Variants in TNFAIP8 observed in about 807,000 individuals in gnomAD.
The protein encoded by TNFAIP8 is TNF alpha induced protein 8.
TNFAIP8 carries 7 observed loss-of-function variants against 13.3 expected under a neutral mutation model. The observed-to-expected ratio is 0.52, with a 90% CI of 0.30 to 0.99. The LOEUF is 0.99. TNFAIP8 is among the 50% of genes least tolerant of loss of function. The probability of loss-of-function intolerance (pLI) is 0.07; values close to 1 mark genes in which losing one functional copy is unlikely to be tolerated. For synonymous variants in TNFAIP8, 94 were observed against 87.6 expected, an observed-to-expected ratio of 1.07 and a Z score of -0.41; for missense variants, 258 against 236.9, an observed-to-expected ratio of 1.09 and a Z score of -0.58.
At chr5:119,324,879 T>G (rs1750174049) in intron 1 of TNFAIP8, among the ~76,000 whole-genome samples, 1 of 152,288 alleles carries the variant, frequency 6.6e-6, no homozygotes, top group East Asian at 1.9e-4. Context: ...TTTTATATAT[T>G]GTTTTGTAGC....
At chr5:119,317,393 T>C (rs2112682354) in intron 1 of TNFAIP8, among the ~76,000 whole-genome samples, 1 of 152,256 alleles carries the variant, frequency 6.6e-6, no homozygotes, top group African/African-American at 2.4e-5. Context: ...TAAGAAATTA[T>C]ATAAGAAATC....
chr5:119,348,446 A>G (rs1465535253), intron 1 of TNFAIP8, among the ~76,000 whole-genome samples: 1 of 152,206 alleles, frequency 6.6e-6, no homozygotes, highest in Non-Finnish European at 1.5e-5. Context: ...ATACACAGGA[A>G]CTTTCTAACG....
intron 1 of TNFAIP8, among the ~76,000 whole-genome samples, chr5:119,300,583 A>G (rs866356814): frequency 2.0e-4 from 31 of 152,152 alleles, no homozygotes; most frequent in African/African-American, 6.5e-4. Flanking sequence ...CTTACTATGT[A>G]CTTCTCTAAG....
At chr5:119,336,181 G>T (rs1384946958) in intron 1 of TNFAIP8, among the ~76,000 whole-genome samples, 1 of 152,190 alleles carries the variant, frequency 6.6e-6, no homozygotes, top group East Asian at 1.9e-4. Flanking sequence ...TACTGGGCAT[G>T]AGATGAGAAG....
intron 1 of TNFAIP8, chr5:119,391,257 A>T (rs1752879736): frequency 4.9e-6 from 3 of 616,564 alleles, no homozygotes; most frequent in Non-Finnish European, 8.9e-6. Flanking sequence ...AGCCTATCCA[A>T]ACTAGAAATA....
At chr5:119,323,515 T>G (rs1231561707) in intron 1 of TNFAIP8, among the ~76,000 whole-genome samples, 1 of 152,210 alleles carries the variant, frequency 6.6e-6, no homozygotes, top group Non-Finnish European at 1.5e-5. Context: ...TGGATTTTAA[T>G]TGTATGTCCT....
chr5:119,369,436 A>G (rs1751994688), intron 1 of TNFAIP8, among the ~76,000 whole-genome samples: 1 of 152,206 alleles, frequency 6.6e-6, no homozygotes, highest in Non-Finnish European at 1.5e-5. Flanking sequence ...CTTGGACCTG[A>G]AAGTGGCTGG....
At chr5:119,288,403 A>G (rs1437045697) in intron 1 of TNFAIP8, among the ~76,000 whole-genome samples, 1 of 152,208 alleles carries the variant, frequency 6.6e-6, no homozygotes, top group African/African-American at 2.4e-5. Context: ...TCTTATTCTG[A>G]TGTTGCTAAA....
At chr5:119,290,441 T>C (rs1235320604) in intron 1 of TNFAIP8, among the ~76,000 whole-genome samples, 1 of 152,158 alleles carries the variant, frequency 6.6e-6, no homozygotes, top group African/African-American at 2.4e-5. Flanking sequence ...ACTTCCTCAA[T>C]ATGTAAACCT....
At chr5:119,353,510 C>T (rs1457006439), upstream of TNFAIP8, among the ~76,000 whole-genome samples, 1 of 152,186 alleles carries the variant, frequency 6.6e-6, no homozygotes, top group Non-Finnish European at 1.5e-5. Context: ...ATTCATTGCT[C>T]TTGAGCTAAA....
At chr5:119,377,839 A>G (rs7734821) in intron 1 of TNFAIP8, among the ~76,000 whole-genome samples, 227 of 152,308 alleles carry the variant, frequency 1.5e-3, no homozygotes, top group African/African-American at 5.1e-3. Context: ...ACTACCCAGT[A>G]GGAGTTGTTC....
rs928464633 is a variant in TNFAIP8, at chr5:119,396,669, C to T, written c.*3288C>T. Reference sequence around the variant, plus strand: ...AAATAGCCTTTTTCTGATTATTAGGCCTTTCATATACAACTCAAAATTAGT... The same window carrying T: ...AAATAGCCTTTTTCTGATTATTAGGTCTTTCATATACAACTCAAAATTAGT... On this transcript the variant is annotated 3_prime_UTR_variant, in exon 2 of 2. Coordinates refer to ENST00000504771, the MANE Select transcript of TNFAIP8 (RefSeq NM_014350.4). 1 of 152,028 alleles carries T rather than the reference C, an allele frequency of 6.6e-6. No homozygotes were observed. The highest frequency in any genetic ancestry group is 1.5e-5 in the Non-Finnish European group (1 of 68,000). The allele number at this position is 152,028 out of a possible 1,614,324, so 9.4% of individuals were successfully genotyped here.
intron 1 of TNFAIP8, among the ~76,000 whole-genome samples, chr5:119,361,434 A>G (rs1275777748): frequency 1.3e-5 from 2 of 152,108 alleles, no homozygotes; most frequent in Non-Finnish European, 2.9e-5. Context: ...GCTGGTATTT[A>G]TATGGTTTTG....
upstream of TNFAIP8, chr5:119,355,310 C>A: frequency 1.4e-6 from 1 of 701,750 alleles, no homozygotes; most frequent in Non-Finnish European, 2.6e-6. Flanking sequence ...GCAATGAGTG[C>A]CCGGGCTGTG....
chr5:119,386,978 C>CCTCCCCCCCTCT (rs10643313), intron 1 of TNFAIP8, among the ~76,000 whole-genome samples: 2 of 135,420 alleles, frequency 1.5e-5, no homozygotes, highest in East Asian at 2.3e-4. Flanking sequence ...TCCCTCCCTC[C>CCTCCCCCCCTCT]CTCTCTTTCC....
intron 1 of TNFAIP8, among the ~76,000 whole-genome samples, chr5:119,372,477 C>T (rs1356380089): frequency 1.3e-5 from 2 of 151,856 alleles, no homozygotes; most frequent in Non-Finnish European, 2.9e-5. Context: ...TAATATTTTC[C>T]AAGAACAAAG....
chr5:119,327,707 C>T (rs1750263534), intron 1 of TNFAIP8, among the ~76,000 whole-genome samples: 2 of 152,188 alleles, frequency 1.3e-5, no homozygotes, highest in South Asian at 4.1e-4. Flanking sequence ...GATCCGCCTG[C>T]CTCAGCCTCC....
chr5:119,354,485 T>G (rs1483230933), upstream of TNFAIP8: 1 of 152,118 alleles, frequency 6.6e-6, no homozygotes, highest in Non-Finnish European at 1.5e-5. Context: ...CTTCACTGCT[T>G]GTGAATAGCA....
At chr5:119,278,091 G>T (rs13167735) in intron 1 of TNFAIP8, among the ~76,000 whole-genome samples, 1 of 151,948 alleles carries the variant, frequency 6.6e-6, no homozygotes, top group African/African-American at 2.4e-5. Flanking sequence ...GGATGTTTTA[G>T]ACTGCAATTA....
Sources: allele counts gnomAD v4.1 joint callset (sites outside exome capture counted in the v4.1 genomes callset), GRCh38; gene constraint gnomAD v4.1.1; transcripts MANE v1.5; gene names NCBI Gene and HGNC (gene_info 2026-07-23, HGNC 2026-07-21).